The following ARK2C variants were observed in gnomAD, a reference collection of about 807,000 sequenced individuals.
The protein encoded by ARK2C is E3 ubiquitin-protein ligase ARK2C.
the ARK2C span, among the ~76,000 whole-genome samples, chr18:46,436,319 G>C: frequency 6.6e-6 from 1 of 152,076 alleles, no homozygotes; most frequent in African/African-American, 2.4e-5. Context: ...GTGGGGGAGA[G>C]AGAAAGGGAG....
the ARK2C span, chr18:46,433,192 G>A: frequency 6.4e-7 from 1 of 1,572,938 alleles, no homozygotes; most frequent in Non-Finnish European, 8.6e-7. Context: ...CCTTCCAGGT[G>A]CCCCCTTTCA....
At chr18:46,375,975 T>A in the ARK2C span, among the ~76,000 whole-genome samples, 21 of 152,326 alleles carry the variant, frequency 1.4e-4, no homozygotes, top group East Asian at 3.9e-3. Context: ...CATTTTCTTG[T>A]CTACGAAGTG....
At chr18:46,361,928 C>T in the ARK2C span, among the ~76,000 whole-genome samples, 6 of 152,236 alleles carry the variant, frequency 3.9e-5, no homozygotes, top group Non-Finnish European at 7.3e-5. Context: ...CTTCATGCCC[C>T]GTTTCCCCAC....
the ARK2C span, among the ~76,000 whole-genome samples, chr18:46,399,616 G>A: frequency 6.6e-6 from 1 of 152,200 alleles, no homozygotes; most frequent in African/African-American, 2.4e-5. Flanking sequence ...TGAGTGTCCA[G>A]TGCTGCCTGG....
At chr18:46,351,826 C>T in the ARK2C span, among the ~76,000 whole-genome samples, 2 of 152,176 alleles carry the variant, frequency 1.3e-5, no homozygotes, top group Admixed American at 6.5e-5. Context: ...GGCCTGGCTA[C>T]GTCAATCCAC....
the ARK2C span, among the ~76,000 whole-genome samples, chr18:46,454,668 C>G: frequency 6.6e-6 from 1 of 152,158 alleles, no homozygotes; most frequent in African/African-American, 2.4e-5. Flanking sequence ...GGGCCTTGCC[C>G]CACGGTCATT....
chr18:46,382,916 A>G, the ARK2C span, among the ~76,000 whole-genome samples: 116,425 of 152,224 alleles, frequency 0.76, 46,471 homozygotes, highest in Non-Finnish European at 0.89. Flanking sequence ...CCATGAGCTC[A>G]TGTAGTCCCA....
the ARK2C span, among the ~76,000 whole-genome samples, chr18:46,350,656 C>T: frequency 6.6e-6 from 1 of 152,142 alleles, no homozygotes. Flanking sequence ...TCGGTGGTGG[C>T]ACTGACACCT....
At chr18:46,434,225 C>T in the ARK2C span, among the ~76,000 whole-genome samples, 5 of 152,162 alleles carry the variant, frequency 3.3e-5, no homozygotes, top group Non-Finnish European at 7.3e-5. Context: ...CTCTTTTCCA[C>T]TCTTACAAAT....
At chr18:46,371,956 C>T in the ARK2C span, among the ~76,000 whole-genome samples, 3 of 152,200 alleles carry the variant, frequency 2.0e-5, no homozygotes, top group African/African-American at 7.2e-5. Flanking sequence ...TAAATACTGA[C>T]TCCTAACGTA....
At chr18:46,447,744 C>G in the ARK2C span, 4 of 1,610,818 alleles carry the variant, frequency 2.5e-6, no homozygotes, top group African/African-American at 5.3e-5. Flanking sequence ...CAGTGGTGGT[C>G]TGAGGCCTGC....
chr18:46,452,125 CA>C, the ARK2C span, among the ~76,000 whole-genome samples: 1 of 152,144 alleles, frequency 6.6e-6, no homozygotes, highest in Non-Finnish European at 1.5e-5. Context: ...CAACACAGAG[CA>C]AACCCTAATG....
At chr18:46,365,859 G>C in the ARK2C span, among the ~76,000 whole-genome samples, 1 of 152,068 alleles carries the variant, frequency 6.6e-6, no homozygotes, top group African/African-American at 2.4e-5. Context: ...GTGAGGGTGT[G>C]GGCAAGGAAT....
chr18:46,425,069 C>T, the ARK2C span, among the ~76,000 whole-genome samples: 1 of 152,234 alleles, frequency 6.6e-6, no homozygotes, highest in Non-Finnish European at 1.5e-5. Flanking sequence ...GCCTTCCCCT[C>T]CTTTCTGACC....
At chr18:46,444,949 C>T in the ARK2C span, among the ~76,000 whole-genome samples, 1 of 151,958 alleles carries the variant, frequency 6.6e-6, no homozygotes, top group East Asian at 1.9e-4. Flanking sequence ...TTACTCTTCT[C>T]TGTTTTCATG....
At chr18:46,364,168 G>C in the ARK2C span, among the ~76,000 whole-genome samples, 1 of 151,558 alleles carries the variant, frequency 6.6e-6, no homozygotes, top group Non-Finnish European at 1.5e-5. Context: ...GGCTGGTCTC[G>C]AACTCCTGAT....
At chr18:46,409,121 G>T in the ARK2C span, among the ~76,000 whole-genome samples, 3 of 152,280 alleles carry the variant, frequency 2.0e-5, no homozygotes, top group African/African-American at 7.2e-5. Flanking sequence ...CATACAGGGG[G>T]TGCAATAGAA....
At chr18:46,336,239 T>C in the ARK2C span, 3 of 985,142 alleles carry the variant, frequency 3.0e-6, no homozygotes, top group South Asian at 1.4e-4. Flanking sequence ...AGTATAATTA[T>C]CCTGATTAAA....
the ARK2C span, among the ~76,000 whole-genome samples, chr18:46,414,912 C>G: frequency 1.2e-4 from 18 of 152,318 alleles, no homozygotes; most frequent in Admixed American, 9.8e-4. Flanking sequence ...TGCACTTCCA[C>G]CCAGGGCTGC....
Sources: gnomAD v4.1 joint callset for allele counts (sites outside exome capture counted in the v4.1 genomes callset) on GRCh38, gnomAD v4.1.1 for gene constraint, MANE v1.5 for transcripts, NCBI Gene and HGNC (gene_info 2026-07-23, HGNC 2026-07-21) for gene names.